ALDH7A1: variants seen among roughly 807,000 people sequenced by gnomAD.
The protein encoded by ALDH7A1 is aldehyde dehydrogenase 7 family member A1, also known as alpha-aminoadipic semialdehyde dehydrogenase.
In ALDH7A1, 63 loss-of-function variants were observed where a neutral mutation model predicts 79.9. That is an observed-to-expected ratio of 0.79 (90% CI 0.64 to 0.97). ALDH7A1 has a LOEUF of 0.97. ALDH7A1 is among the 50% of genes least tolerant of loss of function. The probability of loss-of-function intolerance (pLI) is 0.00; values close to 1 mark genes in which losing one functional copy is unlikely to be tolerated. For synonymous variants in ALDH7A1, 240 were observed against 231.2 expected, an observed-to-expected ratio of 1.04 and a Z score of -0.34; for missense variants, 627 against 665.2, an observed-to-expected ratio of 0.94 and a Z score of 0.63.
intron 2 of ALDH7A1, among the ~76,000 whole-genome samples, chr5:126,593,025 C>T (rs1028111240): frequency 6.6e-6 from 1 of 152,178 alleles, no homozygotes; most frequent in Non-Finnish European, 1.5e-5. Context: ...ACCCAGACTT[C>T]GGAAATCAGA....
chr5:126,574,823 G>T (rs1374123814), intron 7 of ALDH7A1, among the ~76,000 whole-genome samples: 1 of 151,944 alleles, frequency 6.6e-6, no homozygotes, highest in Admixed American at 6.6e-5. Context: ...AACATCAAAG[G>T]TACATCCTAA....
rs149568297 is a variant in ALDH7A1 at position 126,585,814 on chromosome 5, C to T, written c.313-1802G>A. Among the ~76,000 whole-genome samples, 1,000 of 152,262 alleles carry T rather than the reference C, an allele frequency of 6.6e-3. 11 individuals carry two copies. Among genetic ancestry groups the T allele is most frequent in the African/African-American group, 0.023 (956 of 41,542 alleles). ...CTGATCCCAGGTAATCCGCCTGCCT[C>T]GGCCTCCCAAAGTGCTGGGATTACA... On this transcript the variant is annotated intron_variant, in intron 3 of 17. Transcript: ENST00000409134.
chr5:126,592,171 C>T (rs959233957), intron 3 of ALDH7A1: 20 of 161,500 alleles, frequency 1.2e-4, no homozygotes, highest in Middle Eastern at 2.9e-3. Flanking sequence ...CTCAGATGAT[C>T]CACCCGCCTC....
chr5:126,565,143 C>T (rs1181031393), intron 9 of ALDH7A1, among the ~76,000 whole-genome samples: 3 of 152,002 alleles, frequency 2.0e-5, no homozygotes, highest in Admixed American at 2.0e-4. Flanking sequence ...GCCTGTAATC[C>T]CAGCACTTCG....
chr5:126,555,708 C>A (rs1260696401), intron 12 of ALDH7A1, among the ~76,000 whole-genome samples: 1 of 152,072 alleles, frequency 6.6e-6, no homozygotes, highest in Non-Finnish European at 1.5e-5. Flanking sequence ...CACTAAATCT[C>A]ATTCCATCTA....
rs58433570 is a variant in ALDH7A1 at position 126,549,073 on chromosome 5, CAAAAAAAAAAA to C, written c.1489+845_1489+855del. 7.2e-5 allele frequency among the ~76,000 whole-genome samples: 5 copies of C among 69,860 alleles called. No homozygotes were observed. The South Asian group carries it at 1.6e-3, about 23-fold the overall frequency. 45.8% of individuals were successfully genotyped at this position (69,860 alleles called of 152,430 possible). On this transcript the variant is annotated intron_variant, in intron 16 of 17. Transcript: ENST00000409134. ...TGGGCAACATAGCAAGCCCCCAGCT[CAAAAAAAAAAA>C]AAAAAAAAAAAAAAAAGGAATAGTC...
intron 16 of ALDH7A1, among the ~76,000 whole-genome samples, chr5:126,548,259 G>A (rs944561392): frequency 3.3e-5 from 5 of 152,062 alleles, no homozygotes; most frequent in Non-Finnish European, 7.4e-5. Context: ...AGCGAGCCTT[G>A]CACCTCAGAC....
chr5:126,556,207 G>A (rs1431035910), intron 11 of ALDH7A1, among the ~76,000 whole-genome samples, 192 bp from the exon 12 acceptor site: 2 of 148,262 alleles, frequency 1.3e-5, no homozygotes, highest in African/African-American at 5.0e-5. Flanking sequence ...TTTCCTTTTA[G>A]GTAGATAATA....
At chr5:126,585,787 T>C (rs1751341292) in intron 3 of ALDH7A1, among the ~76,000 whole-genome samples, 1 of 152,118 alleles carries the variant, frequency 6.6e-6, no homozygotes, top group Non-Finnish European at 1.5e-5. Context: ...GGTCTCGAAC[T>C]CCTGATCCCA....
intron 12 of ALDH7A1, chr5:126,554,639 C>G (rs1377006662): frequency 3.9e-6 from 2 of 517,142 alleles, no homozygotes; most frequent in Non-Finnish European, 7.0e-6. Context: ...AAATGACATG[C>G]AAATGAGTGG....
intron 11 of ALDH7A1, among the ~76,000 whole-genome samples, chr5:126,556,651 C>G (rs968390751): frequency 6.6e-6 from 1 of 152,194 alleles, no homozygotes; most frequent in Non-Finnish European, 1.5e-5. Context: ...CCCTAAGTCC[C>G]AGTGAACACA....
chr5:126,573,351 A>G (rs1750846171), intron 7 of ALDH7A1, among the ~76,000 whole-genome samples: 1 of 152,006 alleles, frequency 6.6e-6, no homozygotes, highest in African/African-American at 2.4e-5. Context: ...ACTTGAGGCC[A>G]GGAATTCAAG....
At chr5:126,574,375 G>A (rs1236816786) in intron 7 of ALDH7A1, among the ~76,000 whole-genome samples, 1 of 150,612 alleles carries the variant, frequency 6.6e-6, no homozygotes, top group Admixed American at 6.6e-5. Context: ...ACTCCAGCCT[G>A]GCGACAGAGC....
intron 7 of ALDH7A1, among the ~76,000 whole-genome samples, chr5:126,571,878 C>A (rs1398231335): frequency 1.3e-5 from 2 of 152,126 alleles, no homozygotes; most frequent in Non-Finnish European, 2.9e-5. Context: ...CTGGGGCCAC[C>A]CTGCAGAACC....
In ALDH7A1 at chr5:126,566,544, G is replaced by A. The variant is rs116679894; in HGVS notation, c.871+1715C>T. The stretch of plus-strand genomic sequence containing the variant: ...GATTAGTCAAATGTTATCTTATGCT[G>A]GGGTTAAAGTCTAAAATTCATCCTG... On this transcript the variant is annotated intron_variant, in intron 9 of 17. Transcript: ENST00000409134. Among the ~76,000 whole-genome samples, 316 of 152,198 alleles carry A rather than the reference G, an allele frequency of 2.1e-3. 1 individual carries two copies. The highest frequency in any genetic ancestry group is 7.3e-3 in the African/African-American group (305 of 41,518).
intron 7 of ALDH7A1, among the ~76,000 whole-genome samples, chr5:126,572,907 C>A (rs67308532): frequency 6.6e-6 from 1 of 152,044 alleles, no homozygotes; most frequent in African/African-American, 2.4e-5. Flanking sequence ...CATATGTGGC[C>A]TGGGGTCATC....
rs558579795 is a variant in ALDH7A1, at chr5:126,552,145, A to G, written c.1201-8T>C. ...TCCAGGGCGATCCATAACCTAATGC[A>G]GAGAAATGAAATAAAAAGAATGAAA... On this transcript the variant is annotated splice_region_variant and splice_polypyrimidine_tract_variant and intron_variant, in intron 13 of 17. Transcript: ENST00000409134. 92 of 1,606,734 alleles carry G rather than the reference A, an allele frequency of 5.7e-5. No individual in the cohort carries two copies. Among genetic ancestry groups the G allele is most frequent in the Admixed American group, 3.5e-4 (21 of 60,000 alleles).
chr5:126,545,361 G>A (rs1749751280), intron 17 of ALDH7A1, among the ~76,000 whole-genome samples: 1 of 151,740 alleles, frequency 6.6e-6, no homozygotes, highest in African/African-American at 2.4e-5. Context: ...TGCAACCTCC[G>A]CCTCCCAGGC....
At chr5:126,549,073 CAAAAAAAAAAAAA>C (rs58433570) in intron 16 of ALDH7A1, among the ~76,000 whole-genome samples, 8 of 69,862 alleles carry the variant, frequency 1.1e-4, no homozygotes, top group Admixed American at 1.7e-4. Context: ...GCCCCCAGCT[CAAAAAAAAAAAAA>C]AAAAAAAAAA....
Sources: allele counts gnomAD v4.1 joint callset (sites outside exome capture counted in the v4.1 genomes callset), GRCh38; gene constraint gnomAD v4.1.1; transcripts MANE v1.5; gene names NCBI Gene and HGNC (gene_info 2026-07-23, HGNC 2026-07-21).